PCDHGB6: variants seen among roughly 807,000 people sequenced by gnomAD.
PCDHGB6 encodes protocadherin gamma subfamily B, 6, also known as protocadherin gamma-B6.
PCDHGB6 carries 51 observed loss-of-function variants against 59.1 expected under a neutral mutation model. The observed-to-expected ratio is 0.86, with a 90% CI of 0.69 to 1.09. The LOEUF is 1.09. PCDHGB6 is among the 50% of genes least tolerant of loss of function. The probability of loss-of-function intolerance (pLI) is 0.00; values close to 1 mark genes in which losing one functional copy is unlikely to be tolerated. For missense variants in PCDHGB6, 1,148 were observed against 1,205.1 expected (o/e 0.95, Z 0.70); for synonymous variants, 466 against 495.1 (o/e 0.94, Z 0.78).
Position 141,489,902 on chromosome 5 carries a change from C to T in PCDHGB6, c.2419-4905C>T. The T allele has an allele frequency of 6.2e-7, 1 of 1,614,218 alleles. No individual in the cohort carries two copies. The highest frequency in any genetic ancestry group is 8.5e-7 in the Non-Finnish European group (1 of 1,180,032). On this transcript the variant is annotated intron_variant, in intron 1 of 3. Transcript: ENST00000520790. This position sits in a 1 kb window ranked among gnomAD's most constrained non-coding sequence, Gnocchi z 4.5. Reference sequence around the variant, plus strand: ...ACTGCTGTGGATGGGGGGACCCCAGCCCGCTCAGGGACCACCCTTATCTCT... The same window carrying T: ...ACTGCTGTGGATGGGGGGACCCCAGTCCGCTCAGGGACCACCCTTATCTCT...
intron 1 of PCDHGB6, chr5:141,441,824 G>A (rs1561905347): frequency 5.6e-6 from 2 of 356,750 alleles, no homozygotes; most frequent in South Asian, 4.7e-5. Flanking sequence ...GCTCTGGAGC[G>A]CAATGGCTTC....
Position 141,476,974 on chromosome 5 carries a change from C to G in PCDHGB6, c.2419-17833C>G. 1 of 1,614,268 alleles carries G rather than the reference C, an allele frequency of 6.2e-7. No homozygotes were observed. The highest frequency in any genetic ancestry group is 1.3e-5 in the African/African-American group (1 of 75,080). On this transcript the variant is annotated intron_variant, in intron 1 of 3. Coordinates refer to ENST00000520790, the MANE Select transcript of PCDHGB6 (RefSeq NM_018926.3). This position sits in a 1 kb window ranked among gnomAD's most constrained non-coding sequence, Gnocchi z 7.6. ...AAATTATTTACTCCTTCGGCAGCCA[C>G]AACCGCGCCGGCGTGCGGCAACTAT...
At chr5:141,418,455 C>G (rs1287627325) in intron 1 of PCDHGB6, 3 of 1,613,990 alleles carry the variant, frequency 1.9e-6, no homozygotes, top group Non-Finnish European at 2.5e-6. Flanking sequence ...TTGCAGAAGA[C>G]TCTGGACCGA....
chr5:141,454,669 AC>A (rs1292139052), intron 1 of PCDHGB6, among the ~76,000 whole-genome samples: 1 of 151,212 alleles, frequency 6.6e-6, no homozygotes, highest in African/African-American at 2.4e-5. Context: ...GCCTCCCAAA[AC>A]ACTGGGATTA....
At chr5:141,413,454 G>A (rs765318722) in intron 1 of PCDHGB6, 46 of 1,614,026 alleles carry the variant, frequency 2.9e-5, no homozygotes, top group Non-Finnish European at 3.7e-5. Flanking sequence ...CCGCGGGCAG[G>A]ATAGACCGGG....
At chr5:141,418,872 T>C (rs1351483025) in intron 1 of PCDHGB6, 11 of 1,613,996 alleles carry the variant, frequency 6.8e-6, no homozygotes, top group East Asian at 2.2e-5. Context: ...GTAGAAGTTG[T>C]AGACGAAAAC....
In PCDHGB6 at chr5:141,485,822, G is replaced by A. The variant is rs750883983; in HGVS notation, c.2419-8985G>A. 6.2e-7 allele frequency: 1 copy of A among 1,614,192 alleles called. No individual in the cohort carries two copies. The highest frequency in any genetic ancestry group is 1.1e-5 in the South Asian group (1 of 91,080). ...CCGCCTGGTGCTGACTGCTGTCGAT[G>A]GAGGGAACCCGCCGAGATCTGGCAC... On this transcript the variant is annotated intron_variant, in intron 1 of 3. Transcript: ENST00000520790. This position sits in a 1 kb window ranked among gnomAD's most constrained non-coding sequence, Gnocchi z 5.7.
At chr5:141,502,739 A>C (rs1287180048) in intron 2 of PCDHGB6, among the ~76,000 whole-genome samples, 1 of 152,070 alleles carries the variant, frequency 6.6e-6, no homozygotes, top group Non-Finnish European at 1.5e-5. Flanking sequence ...ATGTTCTGTC[A>C]TTCCTTCTAC....
chr5:141,423,868 T>G (rs2154550529), intron 1 of PCDHGB6: 1 of 1,283,788 alleles, frequency 7.8e-7, no homozygotes, highest in East Asian at 3.1e-5. Flanking sequence ...GTGAAAGTCA[T>G]TTTTCAATCT....
At chr5:141,463,103 A>G (rs1235750988) in intron 1 of PCDHGB6, among the ~76,000 whole-genome samples, 1 of 152,206 alleles carries the variant, frequency 6.6e-6, no homozygotes, top group African/African-American at 2.4e-5. Context: ...GTGACCATCA[A>G]GAATTCAGCT....
At chr5:141,457,356 C>G (rs2098917888) in intron 1 of PCDHGB6, among the ~76,000 whole-genome samples, 1 of 152,170 alleles carries the variant, frequency 6.6e-6, no homozygotes, top group South Asian at 2.1e-4. Context: ...TTACCTGGCA[C>G]AATTTGCAAA....
Position 141,494,770 on chromosome 5 carries a change from C to T in PCDHGB6, c.2419-37C>T, listed in dbSNP as rs767006872. 43 of 1,614,022 alleles carry T rather than the reference C, an allele frequency of 2.7e-5. No homozygotes were observed. In the East Asian group the frequency reaches 7.6e-4, roughly 28 times the overall value. On this transcript the variant is annotated intron_variant, in intron 1 of 3. Coordinates refer to ENST00000520790, the MANE Select transcript of PCDHGB6 (RefSeq NM_018926.3). ...GCTCGGGTGACATTCTAACTTCTCA[C>T]GGGTACTCAGCCCCTTTCCCTCTGT...
intron 1 of PCDHGB6, chr5:141,420,076 T>C (rs764381539): frequency 3.3e-5 from 53 of 1,613,956 alleles, no homozygotes; most frequent in Non-Finnish European, 4.5e-5. Context: ...GACCTGTGGG[T>C]CCCCCCAACT....
intron 1 of PCDHGB6, among the ~76,000 whole-genome samples, chr5:141,430,358 C>T (rs2097275535): frequency 6.7e-6 from 1 of 149,028 alleles, no homozygotes; most frequent in South Asian, 2.1e-4. Flanking sequence ...TTTAAAAGCT[C>T]ATTGGGGAAA....
chr5:141,497,104 T>C (rs757158984), intron 2 of PCDHGB6, among the ~76,000 whole-genome samples: 44 of 151,910 alleles, frequency 2.9e-4, no homozygotes, highest in Non-Finnish European at 5.9e-4. Context: ...CAGAACTGCT[T>C]GAACCCGGAA....
chr5:141,445,889 C>A (rs920382027), intron 1 of PCDHGB6, among the ~76,000 whole-genome samples: 6 of 152,110 alleles, frequency 3.9e-5, no homozygotes, highest in African/African-American at 1.4e-4. Context: ...TACTTAGGAG[C>A]TATTAAAATA....
chr5:141,426,691 G>A, intron 1 of PCDHGB6: 1 of 435,886 alleles, frequency 2.3e-6, no homozygotes, highest in South Asian at 1.6e-5. Context: ...CCCCAAAATA[G>A]CATTGTTTTA....
At position 141,409,464 on chromosome 5, in the gene PCDHGB6, C is replaced by A; in HGVS notation, c.1262C>A (p.Thr421Asn). 1 of 1,613,940 alleles carries A rather than the reference C, an allele frequency of 6.2e-7. No homozygotes were observed. Among genetic ancestry groups the A allele is most frequent in the South Asian group, 1.1e-5 (1 of 91,084 alleles). Residue 421 changes from threonine to asparagine, a missense_variant, in exon 1 of 4, where the codon ACC (threonine) becomes AAC (asparagine). Coordinates refer to ENST00000520790, the MANE Select transcript of PCDHGB6 (RefSeq NM_018926.3). ...GAGCAGACACCAGAATACAATGTCA[C>A]CATCGTAGCCACTGACAGGGGCAAG... is the stretch of plus-strand genomic sequence containing the variant. ...DREQTPEYNV[T>N]IVATDRGKPP... is the part of the protein sequence containing the mutation.
chr5:141,417,963 A>T (rs1260025037), intron 1 of PCDHGB6: 1 of 1,613,258 alleles, frequency 6.2e-7, no homozygotes, highest in Non-Finnish European at 8.5e-7. Flanking sequence ...CCGATCCGCT[A>T]CTCGATTCCG....
Sources: allele counts gnomAD v4.1 joint callset (sites outside exome capture counted in the v4.1 genomes callset), GRCh38; gene constraint gnomAD v4.1.1; non-coding constraint Gnocchi (gnomAD v3.1); transcripts MANE v1.5; gene names NCBI Gene and HGNC (gene_info 2026-07-23, HGNC 2026-07-21).